The following GRIA2 variants were observed in gnomAD, a reference collection of about 807,000 sequenced individuals.
GRIA2 encodes glutamate ionotropic receptor AMPA type subunit 2, also known as glutamate receptor 2.
GRIA2 carries 14 observed loss-of-function variants against 97.3 expected under a neutral mutation model. The observed-to-expected ratio is 0.14, with a 90% CI of 0.10 to 0.23. The LOEUF (loss-of-function observed/expected upper bound fraction) is 0.23. Among genes scored for constraint, GRIA2 ranks in the 10% least tolerant of loss-of-function variants. GRIA2 has a pLI of 1.00. For missense variants in GRIA2, 558 were observed against 1,069.8 expected, an observed-to-expected ratio of 0.52 and a Z score of 6.67; for synonymous variants, 412 against 387.8, an observed-to-expected ratio of 1.06 and a Z score of -0.73.
intron 2 of GRIA2, among the ~76,000 whole-genome samples, chr4:157,226,521 T>C (rs2126680644): frequency 6.6e-6 from 1 of 152,176 alleles, no homozygotes; most frequent in East Asian, 1.9e-4. Flanking sequence ...ACATTTTTAA[T>C]CTCGATTCCC....
chr4:157,325,428 C>G (rs1012457209), intron 6 of GRIA2, among the ~76,000 whole-genome samples: 2 of 152,174 alleles, frequency 1.3e-5, no homozygotes, highest in African/African-American at 4.8e-5. Context: ...TTTATTTACT[C>G]AACACATATT....
At chr4:157,359,168 A>G (rs1736526400) in intron 12 of GRIA2, among the ~76,000 whole-genome samples, 1 of 152,180 alleles carries the variant, frequency 6.6e-6, no homozygotes, top group South Asian at 2.1e-4. Context: ...TGAGTCCATT[A>G]AGTTTTAAGA....
intron 2 of GRIA2, among the ~76,000 whole-genome samples, chr4:157,234,167 G>A (rs1730141466): frequency 6.6e-6 from 1 of 151,924 alleles, no homozygotes; most frequent in Admixed American, 6.6e-5. Context: ...GTAATTATCA[G>A]GTTTAAATGA....
intron 13 of GRIA2, 60 bp downstream of exon 13, chr4:157,360,203 G>A: frequency 1.3e-6 from 2 of 1,529,176 alleles, no homozygotes; most frequent in Non-Finnish European, 1.8e-6. Context: ...CTACCCTGAT[G>A]TATCTTTAAG....
At chr4:157,235,922 T>G (rs1730224227) in intron 2 of GRIA2, among the ~76,000 whole-genome samples, 1 of 151,992 alleles carries the variant, frequency 6.6e-6, no homozygotes. Context: ...ACAAAATACT[T>G]TAAAATGTCA....
chr4:157,231,216 T>C (rs1333246350), intron 2 of GRIA2, among the ~76,000 whole-genome samples: 1 of 152,058 alleles, frequency 6.6e-6, no homozygotes. Flanking sequence ...TTTTTTGTAT[T>C]TTAGTAGAGA....
At chr4:157,337,218 T>C (rs761882919) in intron 11 of GRIA2, among the ~76,000 whole-genome samples, 4 of 152,034 alleles carry the variant, frequency 2.6e-5, no homozygotes, top group South Asian at 4.1e-4. Context: ...GGGAGAGATA[T>C]TATAAAATTT....
At chr4:157,248,417 AT>A (rs900285703) in intron 2 of GRIA2, among the ~76,000 whole-genome samples, 1 of 149,552 alleles carries the variant, frequency 6.7e-6, no homozygotes, top group Non-Finnish European at 1.5e-5. Flanking sequence ...AAATACAAAA[AT>A]TAGGCCGGTG....
chr4:157,251,797 C>A (rs960849132), intron 2 of GRIA2, among the ~76,000 whole-genome samples: 5 of 152,058 alleles, frequency 3.3e-5, no homozygotes, highest in Non-Finnish European at 7.4e-5. Context: ...AAAATTTGTT[C>A]ATTCAGTCAT....
chr4:157,342,598 T>TA (rs900408828), intron 12 of GRIA2: 5 of 224,314 alleles, frequency 2.2e-5, no homozygotes, highest in Non-Finnish European at 3.0e-5. Flanking sequence ...TTTCTAAACA[T>TA]ATATGCAATA....
chr4:157,229,278 T>C (rs1259776261), intron 2 of GRIA2, among the ~76,000 whole-genome samples: 2 of 152,240 alleles, frequency 1.3e-5, no homozygotes, highest in Admixed American at 6.5e-5. Context: ...TGTTTTGTCT[T>C]ATTTTCATTC....
chr4:157,221,602 C>T (rs1579281314), intron 1 of GRIA2, 65 bp from the exon 2 acceptor site: 3 of 1,524,992 alleles, frequency 2.0e-6, no homozygotes, highest in East Asian at 4.5e-5. Context: ...GGCGCTAGCG[C>T]GCGCCCCTCC....
chr4:157,277,882 G>GTATATATGTATATATGTATATATGTA (rs1560743390), intron 2 of GRIA2, among the ~76,000 whole-genome samples: 1 of 140,996 alleles, frequency 7.1e-6, no homozygotes, highest in African/African-American at 2.6e-5. Flanking sequence ...GTATATATAT[G>GTATATATGTATATATGTATATATGTA]TATATATGTA....
intron 2 of GRIA2, among the ~76,000 whole-genome samples, chr4:157,294,193 C>T (rs1416094742): frequency 6.9e-6 from 1 of 144,144 alleles, no homozygotes; most frequent in African/African-American, 2.5e-5. Context: ...AAAGTTCTGT[C>T]TTTTTTTTTT....
intron 3 of GRIA2, among the ~76,000 whole-genome samples, chr4:157,310,107 C>T (rs922085186): frequency 3.3e-5 from 5 of 151,972 alleles, no homozygotes; most frequent in Non-Finnish European, 7.4e-5. Context: ...TGATAGCTGT[C>T]GAATTGATCA....
chr4:157,293,290 G>A (rs1733188651), intron 2 of GRIA2, among the ~76,000 whole-genome samples: 1 of 152,108 alleles, frequency 6.6e-6, no homozygotes, highest in South Asian at 2.1e-4. Flanking sequence ...ACAAAACTCT[G>A]AACAATCTAA....
intron 12 of GRIA2, among the ~76,000 whole-genome samples, chr4:157,354,361 CTTAATTTATATGAAATGT>C (rs1277254703): frequency 6.6e-6 from 1 of 152,044 alleles, no homozygotes; most frequent in African/African-American, 2.4e-5. Flanking sequence ...TTCAGGCGTG[CTTAATTTATATGAAATGT>C]TTCTTCAACA....
intron 2 of GRIA2, among the ~76,000 whole-genome samples, chr4:157,249,297 C>T (rs181995931): frequency 1.4e-3 from 208 of 152,282 alleles, no homozygotes; most frequent in African/African-American, 4.8e-3. Context: ...TTTCCTCTGA[C>T]TGTTCAAGAG....
intron 2 of GRIA2, among the ~76,000 whole-genome samples, chr4:157,237,361 C>A (rs1430161973): frequency 6.6e-6 from 1 of 150,934 alleles, no homozygotes; most frequent in Non-Finnish European, 1.5e-5. Context: ...GTGGCATGAT[C>A]ATGGCTCACT....
Sources: gnomAD v4.1 joint callset for allele counts (sites outside exome capture counted in the v4.1 genomes callset) on GRCh38, gnomAD v4.1.1 for gene constraint, MANE v1.5 for transcripts, NCBI Gene and HGNC (gene_info 2026-07-23, HGNC 2026-07-21) for gene names.